SIN3B: variants seen among roughly 807,000 people sequenced by gnomAD.
The protein encoded by SIN3B is SIN3 transcription regulator family member B, also known as paired amphipathic helix protein Sin3b.
In SIN3B, 19 loss-of-function variants were observed where a neutral mutation model predicts 120.2. That is an observed-to-expected ratio of 0.16 (90% confidence interval 0.11 to 0.23). SIN3B has a LOEUF of 0.23. Ranked by LOEUF, SIN3B falls within the 10% of genes least tolerant of loss-of-function variation. The pLI, the probability that SIN3B is intolerant of heterozygous loss-of-function variation, is 1.00. For missense variants in SIN3B, 1,073 were observed against 1,573.0 expected, an observed-to-expected ratio of 0.68 and a Z score of 5.38; for synonymous variants, 654 against 653.2, an observed-to-expected ratio of 1.00 and a Z score of -0.02.
At chr19:16,835,581 G>A (rs1057259813) in intron 3 of SIN3B, among the ~76,000 whole-genome samples, 4 of 147,908 alleles carry the variant, frequency 2.7e-5, no homozygotes, top group African/African-American at 7.5e-5. Context: ...GTACAATGGC[G>A]TGATCTCAGC....
Position 16,841,987 on chromosome 19 carries a change from A to G in SIN3B, c.582+19A>G, listed in dbSNP as rs192734667. 1.9e-5 allele frequency: 31 copies of G among 1,601,138 alleles called. No individual in the cohort carries two copies. In the East Asian group the frequency reaches 6.7e-4, roughly 35 times the overall value. ...GTACCAGGTAAGAACTCAGATTACA[A>G]TTCCTTGTGGGTTTTGGATTTCATC... On this transcript the variant is annotated intron_variant, in intron 4 of 18. Transcript: ENST00000248054.
At chr19:16,842,192 A>G (rs1971426691) in intron 4 of SIN3B, among the ~76,000 whole-genome samples, 3 of 151,944 alleles carry the variant, frequency 2.0e-5, no homozygotes, top group Admixed American at 1.3e-4. Context: ...GGCTCAAGCC[A>G]TCCTCCAACT....
At chr19:16,831,024 G>A (rs950177794) in intron 2 of SIN3B, among the ~76,000 whole-genome samples, 4 of 151,936 alleles carry the variant, frequency 2.6e-5, no homozygotes, top group Non-Finnish European at 5.9e-5. Context: ...AGCCAGTCAG[G>A]AGATAGGTCA....
At position 16,876,373 on chromosome 19, in the gene SIN3B, G is replaced by T; in HGVS notation, c.2767-113G>T. ...ATGAGGTACCTTTGACCTGCAGGAA[G>T]CATCAGGGCTTTGGGAGGGTGGCAA... On this transcript the variant is annotated intron_variant, in intron 15 of 18. Coordinates refer to ENST00000248054, the MANE Select transcript of SIN3B (RefSeq NM_001297595.2). This position sits in a 1 kb window ranked among gnomAD's most constrained non-coding sequence, Gnocchi z 7.1. 1 of 1,383,624 alleles carries T rather than the reference G, an allele frequency of 7.2e-7. No individual in the cohort carries two copies. Among genetic ancestry groups the T allele is most frequent in the Non-Finnish European group, 9.9e-7 (1 of 1,007,328 alleles). The allele number at this position is 1,383,624 out of a possible 1,614,324, so 85.7% of individuals were successfully genotyped here. A position where few individuals can be genotyped will look rare whatever the true frequency, so the allele number is the denominator to read the frequency against.
At chr19:16,850,746 A>G (rs1037615530) in intron 5 of SIN3B, among the ~76,000 whole-genome samples, 2 of 152,166 alleles carry the variant, frequency 1.3e-5, no homozygotes, top group Non-Finnish European at 2.9e-5. Context: ...CCAGCCTTCC[A>G]GTATGTTCAT....
At position 16,876,847 on chromosome 19, in the gene SIN3B, T is replaced by C. The variant is rs2051615052; in HGVS notation, c.2859+269T>C. 5.0e-6 allele frequency: 2 copies of C among 403,404 alleles called. No individual in the cohort carries two copies. The highest frequency in any genetic ancestry group is 8.7e-5 in the East Asian group (2 of 23,110). 25.0% of individuals were successfully genotyped at this position (403,404 alleles called of 1,614,324 possible). A position where few individuals can be genotyped will look rare whatever the true frequency, so the allele number is the denominator to read the frequency against. On this transcript the variant is annotated intron_variant, in intron 16 of 18. Transcript: ENST00000248054. This position sits in a 1 kb window ranked among gnomAD's most constrained non-coding sequence, Gnocchi z 7.1. ...GGCAGGAGGGGAACCAAGCCACCTCTCCCTGGCCCCCGACTCCCACTCAGG... is the reference window on the plus strand; with the variant it reads ...GGCAGGAGGGGAACCAAGCCACCTCCCCCTGGCCCCCGACTCCCACTCAGG...
At chr19:16,864,843 T>G (rs1032557019) in intron 10 of SIN3B, among the ~76,000 whole-genome samples, 12 of 150,974 alleles carry the variant, frequency 7.9e-5, no homozygotes, top group Admixed American at 7.9e-4. Context: ...AAAAATTTTT[T>G]TTTTTTTTTG....
intron 4 of SIN3B, among the ~76,000 whole-genome samples, chr19:16,843,540 C>G (rs531410793): frequency 6.6e-6 from 1 of 152,152 alleles, no homozygotes; most frequent in African/African-American, 2.4e-5. Context: ...TGCTTGTGAT[C>G]GTAGAATCTG....
intron 10 of SIN3B, 82 bp from the exon 11 acceptor site, chr19:16,865,328 C>T (rs1971752685): frequency 1.8e-6 from 1 of 540,868 alleles, no homozygotes; most frequent in Non-Finnish European, 3.3e-6. Flanking sequence ...AAAAAATCCT[C>T]TGGTCTCTGA....
intron 14 of SIN3B, chr19:16,875,832 T>TGGTC: frequency 1.7e-6 from 1 of 577,050 alleles, no homozygotes; most frequent in East Asian, 3.0e-5. Context: ...TCTGTTTGGT[T>TGGTC]TGGTCTGGTC....
chr19:16,838,470 G>A (rs996249872), intron 3 of SIN3B, among the ~76,000 whole-genome samples: 4 of 152,088 alleles, frequency 2.6e-5, no homozygotes, highest in African/African-American at 4.8e-5. Context: ...ACTCAGCATC[G>A]TGTTTTCCGG....
chr19:16,867,409 G>A (rs1432306900), intron 12 of SIN3B, among the ~76,000 whole-genome samples: 2 of 152,226 alleles, frequency 1.3e-5, no homozygotes, highest in African/African-American at 4.8e-5. Context: ...GGGCCCTCAG[G>A]TTGCCAGGAG....
rs2051672775 is a variant in SIN3B, at chr19:16,879,959, T to G, written c.*1232T>G. Reference sequence around the variant, plus strand: ...AAGTGGAGATGTGTTTCTAGAAGTTTCCTGTGGAACCTGGAGGCTCCTGAT... The same window carrying G: ...AAGTGGAGATGTGTTTCTAGAAGTTGCCTGTGGAACCTGGAGGCTCCTGAT... On this transcript the variant is annotated 3_prime_UTR_variant, in exon 19 of 19. Transcript: ENST00000248054. 1 of 152,268 alleles carries G rather than the reference T, an allele frequency of 6.6e-6. No individual in the cohort carries two copies. The highest frequency in any genetic ancestry group is 1.5e-5 in the Non-Finnish European group (1 of 68,062). The allele number at this position is 152,268 out of a possible 1,614,324, so 9.4% of individuals were successfully genotyped here.
chr19:16,851,956 A>G (rs1040564681), intron 6 of SIN3B, among the ~76,000 whole-genome samples: 2 of 152,296 alleles, frequency 1.3e-5, no homozygotes, highest in South Asian at 2.1e-4. Flanking sequence ...TTCCGATTCC[A>G]TTATTCCTTG....
chr19:16,864,780 C>T (rs1287670544), intron 10 of SIN3B, among the ~76,000 whole-genome samples: 1 of 150,678 alleles, frequency 6.6e-6, no homozygotes, highest in Non-Finnish European at 1.5e-5. Context: ...TGCTTGAGGC[C>T]AGGAGTTCAA....
chr19:16,853,149 C>T lies in SIN3B; in HGVS notation c.930C>T (p.Phe310=). 6.2e-7 allele frequency: 1 copy of T among 1,614,086 alleles called. No homozygotes were observed. Among genetic ancestry groups the T allele is most frequent in the Non-Finnish European group, 8.5e-7 (1 of 1,179,908 alleles). The part of the protein sequence containing the change: ...GKYGTLQEFS[F]FDKVRRVLKS... ...ACGGGACTCTGCAGGAATTTTCTTT[C>T]TTTGACAAGGTGAGGGTGGGCCCTG... is the stretch of plus-strand genomic sequence containing the variant. Residue 310 remains phenylalanine (F), a synonymous_variant, in exon 7 of 19, where the codon TTC becomes TTT. Coordinates refer to ENST00000248054, the MANE Select transcript of SIN3B (RefSeq NM_001297595.2).
intron 12 of SIN3B, among the ~76,000 whole-genome samples, chr19:16,867,884 G>A (rs547837068): frequency 5.9e-5 from 9 of 152,146 alleles, no homozygotes; most frequent in South Asian, 4.1e-4. Context: ...CCAAGACCCC[G>A]TATAGGTTCT....
At chr19:16,865,142 T>A (rs1253925442) in intron 10 of SIN3B, 10 of 344,460 alleles carry the variant, frequency 2.9e-5, no homozygotes, top group Non-Finnish European at 5.3e-5. Flanking sequence ...TAAATTTTTT[T>A]AATTAGCCAG....
chr19:16,873,674 G>C (rs2051543275), intron 14 of SIN3B, among the ~76,000 whole-genome samples: 1 of 152,092 alleles, frequency 6.6e-6, no homozygotes, highest in African/African-American at 2.4e-5. Context: ...AACTCCTCTA[G>C]AACCTGTTAA....
Sources: gnomAD v4.1 joint callset for allele counts (sites outside exome capture counted in the v4.1 genomes callset) on GRCh38, gnomAD v4.1.1 for gene constraint, Gnocchi (gnomAD v3.1) non-coding constraint, MANE v1.5 for transcripts, NCBI Gene and HGNC (gene_info 2026-07-23, HGNC 2026-07-21) for gene names.